The following CTSS variants were observed in gnomAD, a reference collection of about 807,000 sequenced individuals.
CTSS encodes cathepsin S.
CTSS carries 15 observed loss-of-function variants against 39.9 expected under a neutral mutation model. The observed-to-expected ratio is 0.38, with a 90% CI of 0.25 to 0.58. The LOEUF is 0.58. CTSS is among the 20% of genes least tolerant of loss of function. The probability of loss-of-function intolerance (pLI) is 0.70; values close to 1 mark genes in which losing one functional copy is unlikely to be tolerated. For synonymous variants in CTSS, 126 were observed against 138.2 expected, an observed-to-expected ratio of 0.91 and a Z score of 0.62; for missense variants, 250 against 398.2, an observed-to-expected ratio of 0.63 and a Z score of 3.17.
intron 7 of CTSS, among the ~76,000 whole-genome samples, chr1:150,740,424 C>A (rs781735169): frequency 6.6e-6 from 1 of 152,016 alleles, no homozygotes; most frequent in African/African-American, 2.4e-5. Flanking sequence ...CGCTCTGTCA[C>A]CCCGGCTGGA....
intron 7 of CTSS, among the ~76,000 whole-genome samples, chr1:150,737,397 G>A (rs935838334): frequency 2.0e-5 from 3 of 151,992 alleles, no homozygotes; most frequent in Non-Finnish European, 2.9e-5. Context: ...CCACTGAGCC[G>A]GGCTGAGTCC....
Position 150,749,988 on chromosome 1 carries a change from G to T in CTSS, c.793+18C>A. The stretch of plus-strand genomic sequence containing the variant: ...TTTCTTTCTTTAAATTCTAATTATT[G>T]TTTATTTTATTTTTTACCACTTCTG... On this transcript the variant is annotated intron_variant, in intron 6 of 7. Transcript: ENST00000368985. 3 of 1,574,962 alleles carry T rather than the reference G, an allele frequency of 1.9e-6. No homozygotes were observed. The highest frequency in any genetic ancestry group is 2.3e-5 in the South Asian group (2 of 87,692).
chr1:150,758,018 C>G (rs778654742), intron 2 of CTSS, 38 bp from the exon 3 acceptor site: 13 of 1,584,224 alleles, frequency 8.2e-6, no homozygotes, highest in Non-Finnish European at 2.6e-6. Flanking sequence ...CATACTGCAT[C>G]CTGGACAAAT....
Position 150,731,265 on chromosome 1 carries a change from A to G in CTSS, c.*1781T>C, listed in dbSNP as rs928183573. 6.6e-6 allele frequency: 1 copy of G among 152,158 alleles called. No homozygotes were observed. The highest frequency in any genetic ancestry group is 1.5e-5 in the Non-Finnish European group (1 of 68,078). The allele number at this position is 152,158 out of a possible 1,614,324, so 9.4% of individuals were successfully genotyped here. ...TAGCTGGGCGTGGTGGTGCACGCCT[A>G]TAATTCCAGCTACTCGGGAGGCTGA... On this transcript the variant is annotated 3_prime_UTR_variant, in exon 8 of 8. Transcript: ENST00000368985.
At position 150,730,789 on chromosome 1, in the gene CTSS, T is replaced by C. The variant is rs1652502066; in HGVS notation, c.*2257A>G. 6.6e-6 allele frequency: 1 copy of C among 152,200 alleles called. No individual in the cohort carries two copies. Among genetic ancestry groups the C allele is most frequent in the Admixed American group, 6.5e-5 (1 of 15,278 alleles). 9.4% of individuals were successfully genotyped at this position (152,200 alleles called of 1,614,324 possible). Reference sequence around the variant, plus strand: ...CCCAGATATTTTCATATCACATTAGTTTTTTGCATCTATTTTCATTATGCT... The same window carrying C: ...CCCAGATATTTTCATATCACATTAGCTTTTTGCATCTATTTTCATTATGCT... On this transcript the variant is annotated 3_prime_UTR_variant, in exon 8 of 8. Transcript: ENST00000368985.
intron 7 of CTSS, among the ~76,000 whole-genome samples, chr1:150,745,710 G>A (rs190380570): frequency 9.6e-4 from 146 of 152,182 alleles, no homozygotes; most frequent in African/African-American, 3.5e-3. Context: ...AATGCATACA[G>A]GGAGAATGTC....
chr1:150,732,742 G>T lies in CTSS; in HGVS notation c.*304C>A. 5.1e-6 allele frequency: 1 copy of T among 195,794 alleles called. No homozygotes were observed. The highest frequency in any genetic ancestry group is 1.1e-5 in the Non-Finnish European group (1 of 95,214). The allele number at this position is 195,794 out of a possible 1,614,324, so 12.1% of individuals were successfully genotyped here. ...CGTGCCTCAGCCTCCCAAGTAGCTGGGATTACAGGCATGCACCACCGTGCT... is the reference window on the plus strand; with the variant it reads ...CGTGCCTCAGCCTCCCAAGTAGCTGTGATTACAGGCATGCACCACCGTGCT... On this transcript the variant is annotated 3_prime_UTR_variant, in exon 8 of 8. Coordinates refer to ENST00000368985, the MANE Select transcript of CTSS (RefSeq NM_004079.5).
chr1:150,735,720 C>G (rs954549653), intron 7 of CTSS, among the ~76,000 whole-genome samples: 5 of 151,406 alleles, frequency 3.3e-5, no homozygotes, highest in African/African-American at 1.2e-4. Flanking sequence ...TTACAAGTAG[C>G]TAGGACCACA....
intron 7 of CTSS, among the ~76,000 whole-genome samples, chr1:150,739,112 T>C (rs924589117): frequency 1.3e-5 from 2 of 152,048 alleles, no homozygotes; most frequent in African/African-American, 4.8e-5. Context: ...GAGAATTGCT[T>C]AGAACCTGGG....
chr1:150,756,344 ATAAG>A (rs938718390), intron 3 of CTSS, among the ~76,000 whole-genome samples: 1 of 152,252 alleles, frequency 6.6e-6, no homozygotes, highest in Non-Finnish European at 1.5e-5. Context: ...TTTTAAAAGT[ATAAG>A]TAGGAGTACA....
rs143031567 is a variant in CTSS, at chr1:150,751,931, C to G, written c.477G>C (p.Leu159=). Residue 159 remains leucine (L), a synonymous_variant, in exon 5 of 8, where the codon CTG becomes CTC. Transcript: ENST00000368985. The part of the protein sequence containing the change: ...EAQLKLKTGK[L]VSLSAQNLVD... The stretch of plus-strand genomic sequence containing the variant: ...CCAGGTTCTGGGCACTGAGAGACAC[C>G]AGCTTTCCTGTTTTCAGCTTCAGCT... 18 of 1,614,052 alleles carry G rather than the reference C, an allele frequency of 1.1e-5. No homozygotes were observed. The highest frequency in any genetic ancestry group is 1.4e-5 in the Non-Finnish European group (17 of 1,180,046).
In CTSS at chr1:150,733,073, A is replaced by T; in HGVS notation, c.969T>A (p.Ala323=). ...AGATTTCTGGGTAAGAGGGAAAGCT[A>T]GCAATCCCACAATGATTTCCTTTAT... The part of the protein sequence containing the change: ...ARNKGNHCGI[A]SFPSYPEI The change falls in exon 8 of 8, where the codon GCT becomes GCA. Residue 323 remains alanine, a synonymous_variant. Coordinates refer to ENST00000368985, the MANE Select transcript of CTSS (RefSeq NM_004079.5). 1.2e-6 allele frequency: 2 copies of T among 1,613,466 alleles called. No homozygotes were observed. The highest frequency in any genetic ancestry group is 1.7e-6 in the Non-Finnish European group (2 of 1,179,560).
At position 150,733,049 on chromosome 1, in the gene CTSS, G is replaced by A; in HGVS notation, c.993C>T (p.Ile331=). The change falls in exon 8 of 8, where the codon ATC becomes ATT. Residue 331 remains isoleucine (I), a synonymous_variant. Coordinates refer to ENST00000368985, the MANE Select transcript of CTSS (RefSeq NM_004079.5). The part of the protein sequence containing the change: ...GIASFPSYPE[I] ...TGTTATAAAAAGGAGAGATCCTCTA[G>A]ATTTCTGGGTAAGAGGGAAAGCTAG... 6.2e-7 allele frequency: 1 copy of A among 1,606,738 alleles called. No homozygotes were observed. Among genetic ancestry groups the A allele is most frequent in the Non-Finnish European group, 8.5e-7 (1 of 1,173,912 alleles).
intron 7 of CTSS, among the ~76,000 whole-genome samples, chr1:150,740,773 C>T (rs587594648): frequency 2.0e-5 from 3 of 151,798 alleles, no homozygotes; most frequent in Non-Finnish European, 4.4e-5. Context: ...TCACTCACAG[C>T]GGCCTCAACT....
chr1:150,736,773 A>C (rs1034412867), intron 7 of CTSS, among the ~76,000 whole-genome samples: 2 of 126,948 alleles, frequency 1.6e-5, no homozygotes, highest in African/African-American at 8.2e-5. Flanking sequence ...TGAAACTGAT[A>C]AAAAAAAAAA....
intron 7 of CTSS, among the ~76,000 whole-genome samples, chr1:150,741,299 A>G (rs751603446): frequency 9.2e-5 from 14 of 152,188 alleles, no homozygotes; most frequent in Non-Finnish European, 1.5e-4. Flanking sequence ...ACATTCAGCT[A>G]ATATTTATAC....
chr1:150,750,808 T>A (rs1652992254), intron 5 of CTSS, among the ~76,000 whole-genome samples: 1 of 151,886 alleles, frequency 6.6e-6, no homozygotes, highest in Non-Finnish European at 1.5e-5. Flanking sequence ...GCCTGGCTAA[T>A]TTTTTTGATT....
chr1:150,749,667 A>G (rs1303614397), intron 6 of CTSS, among the ~76,000 whole-genome samples: 5 of 146,142 alleles, frequency 3.4e-5, no homozygotes, highest in Admixed American at 1.4e-4. Context: ...CTTGTTTTTT[A>G]GAGACAGGTT....
intron 2 of CTSS, among the ~76,000 whole-genome samples, chr1:150,759,576 A>C (rs185896077): frequency 6.6e-6 from 1 of 151,954 alleles, no homozygotes; most frequent in East Asian, 1.9e-4. Context: ...TTTCTAATTT[A>C]TTTCTTGTCC....
Sources: allele counts gnomAD v4.1 joint callset (sites outside exome capture counted in the v4.1 genomes callset), GRCh38; gene constraint gnomAD v4.1.1; transcripts MANE v1.5; gene names NCBI Gene and HGNC (gene_info 2026-07-23, HGNC 2026-07-21).